The following USP47 variants were observed in gnomAD, a reference collection of about 807,000 sequenced individuals.
The protein encoded by USP47 is ubiquitin specific peptidase 47, also known as ubiquitin carboxyl-terminal hydrolase 47.
In USP47, 35 loss-of-function variants were observed where a neutral mutation model predicts 165.1. That is an observed-to-expected ratio of 0.21 (90% CI 0.16 to 0.28). The LOEUF (loss-of-function observed/expected upper bound fraction) is 0.28. Ranked by LOEUF, USP47 falls within the 10% of genes least tolerant of loss-of-function variation. The pLI, the probability that USP47 is intolerant of heterozygous loss-of-function variation, is 1.00. For synonymous variants in USP47, 531 were observed against 544.5 expected (o/e 0.98, Z 0.35); for missense variants, 1,277 against 1,607.4 (o/e 0.79, Z 3.52).
At chr11:11,911,003 A>G (rs894488094) in intron 8 of USP47, among the ~76,000 whole-genome samples, 1 of 152,232 alleles carries the variant, frequency 6.6e-6, no homozygotes, top group African/African-American at 2.4e-5. Context: ...AAGCACACTG[A>G]AAACAATGAA....
rs1847408295 is a variant in USP47, at chr11:11,960,542, A to G, written c.*4367A>G. ...AATTTGATCTTCCATGAGTGTCTCA[A>G]AAAGTTCCCCTCAGAAGTTTCAGCC... On this transcript the variant is annotated 3_prime_UTR_variant, in exon 28 of 28. Coordinates refer to ENST00000527733, the MANE Select transcript of USP47 (RefSeq NM_001282659.2). Among the ~76,000 whole-genome samples the G allele has an allele frequency of 6.6e-6, 1 of 152,192 alleles. No individual in the cohort carries two copies. The highest frequency in any genetic ancestry group is 1.5e-5 in the Non-Finnish European group (1 of 68,026).
intron 1 of USP47, among the ~76,000 whole-genome samples, chr11:11,855,331 A>T (rs558678412): frequency 1.7e-4 from 26 of 152,332 alleles, no homozygotes; most frequent in Admixed American, 1.5e-3. Context: ...TGTGTTTGAT[A>T]ATTTTGATTT....
chr11:11,883,013 T>C (rs1432987961), intron 2 of USP47, among the ~76,000 whole-genome samples: 1 of 152,210 alleles, frequency 6.6e-6, no homozygotes, highest in East Asian at 1.9e-4. Flanking sequence ...TTTCTCCTGC[T>C]TACTGCGTAG....
At chr11:11,852,436 G>C (rs1467617305) in intron 1 of USP47, among the ~76,000 whole-genome samples, 1 of 152,046 alleles carries the variant, frequency 6.6e-6, no homozygotes, top group Non-Finnish European at 1.5e-5. Flanking sequence ...TTTCTGGTGG[G>C]CTTCTGTGCT....
intron 8 of USP47, among the ~76,000 whole-genome samples, chr11:11,908,488 T>G (rs1852730941): frequency 6.6e-6 from 1 of 151,988 alleles, no homozygotes; most frequent in Non-Finnish European, 1.5e-5. Context: ...TTTCTGGAGT[T>G]GTTTTATCTT....
intron 10 of USP47, among the ~76,000 whole-genome samples, chr11:11,921,025 G>T (rs1853797617): frequency 6.6e-6 from 1 of 151,614 alleles, no homozygotes; most frequent in Admixed American, 6.6e-5. Flanking sequence ...CATGGGATTT[G>T]AAGTGACACA....
At chr11:11,853,589 C>G (rs1231644004) in intron 1 of USP47, among the ~76,000 whole-genome samples, 1 of 152,146 alleles carries the variant, frequency 6.6e-6, no homozygotes, top group Admixed American at 6.5e-5. Context: ...TAGATGCGTC[C>G]TCTCTACCTT....
intron 11 of USP47, among the ~76,000 whole-genome samples, chr11:11,924,467 G>T (rs1417334575): frequency 6.6e-6 from 1 of 152,064 alleles, no homozygotes. Flanking sequence ...GTGATGTTGG[G>T]CTCATGTAAT....
At position 11,908,108 on chromosome 11, in the gene USP47, T is replaced by C. The variant is rs115139517; in HGVS notation, c.969+2560T>C. Reference sequence around the variant, plus strand: ...GTCTCAAAAAAAACAAAAAAAGATATAGATGTAGACATATACACTAGCACG... The same window carrying C: ...GTCTCAAAAAAAACAAAAAAAGATACAGATGTAGACATATACACTAGCACG... On this transcript the variant is annotated intron_variant, in intron 8 of 27. Transcript: ENST00000527733. Among the ~76,000 whole-genome samples the C allele has an allele frequency of 4.5e-3, 688 of 152,162 alleles. 4 individuals carry two copies. The highest frequency in any genetic ancestry group is 0.016 in the African/African-American group (654 of 41,534).
chr11:11,915,224 A>G, intron 8 of USP47, among the ~76,000 whole-genome samples: 1 of 152,230 alleles, frequency 6.6e-6, no homozygotes, highest in Non-Finnish European at 1.5e-5. Context: ...GAAAAAAGCC[A>G]ATCTCAAAAG....
chr11:11,880,232 A>G lies in USP47; in HGVS notation c.95A>G (p.Asn32Ser). Residue 32 changes from asparagine (N) to serine (S), a missense_variant, in exon 2 of 28, where the codon AAT (asparagine) becomes AGT (serine). Physicochemically the swap from Asn to Ser is conservative, Grantham distance 46. Transcript: ENST00000527733. ...RVLCIIQDTT[N>S]SKTVNERITL... ...TTATGTATTATACAAGATACTACTA[A>G]TTCAAAGACAGTGAATGAACGGATC... is the stretch of plus-strand genomic sequence containing the variant. 1 of 1,466,264 alleles carries G rather than the reference A, an allele frequency of 6.8e-7. No individual in the cohort carries two copies. The highest frequency in any genetic ancestry group is 8.9e-7 in the Non-Finnish European group (1 of 1,120,670). The allele number at this position is 1,466,264 out of a possible 1,614,324, so 90.8% of individuals were successfully genotyped here.
intron 3 of USP47, among the ~76,000 whole-genome samples, chr11:11,885,657 C>T (rs1239902254): frequency 2.0e-5 from 3 of 152,142 alleles, no homozygotes; most frequent in Non-Finnish European, 4.4e-5. Context: ...TACTCTGACC[C>T]CAGGATCCCC....
chr11:11,940,717 C>A (rs1012083778), intron 19 of USP47, among the ~76,000 whole-genome samples, 169 bp downstream of exon 19: 1 of 151,918 alleles, frequency 6.6e-6, no homozygotes, highest in African/African-American at 2.4e-5. Context: ...AGGTCAGGCT[C>A]CCTTCTGTCC....
chr11:11,894,019 C>T (rs1276847013), intron 4 of USP47, among the ~76,000 whole-genome samples: 6 of 152,150 alleles, frequency 3.9e-5, no homozygotes, highest in Non-Finnish European at 8.8e-5. Flanking sequence ...CTTTTTGTAG[C>T]AAACAACCAC....
rs1394372796 is a variant in USP47 at position 11,960,777 on chromosome 11, T to C, written c.*4602T>C. 6.6e-6 allele frequency among the ~76,000 whole-genome samples: 1 copy of C among 152,178 alleles called. No individual in the cohort carries two copies. Among genetic ancestry groups the C allele is most frequent in the African/African-American group, 2.4e-5 (1 of 41,422 alleles). On this transcript the variant is annotated 3_prime_UTR_variant, in exon 28 of 28. Coordinates refer to ENST00000527733, the MANE Select transcript of USP47 (RefSeq NM_001282659.2). ...TGCATTTAGAAACCAAGCATAGCTA[T>C]CAAAAAGTAATCTCCAAATAGTTGA...
At chr11:11,912,130 C>A (rs1173763038) in intron 8 of USP47, among the ~76,000 whole-genome samples, 1 of 149,528 alleles carries the variant, frequency 6.7e-6, no homozygotes, top group Non-Finnish European at 1.5e-5. Flanking sequence ...AGGAAAAGGG[C>A]CAAATCAGAA....
intron 2 of USP47, among the ~76,000 whole-genome samples, chr11:11,882,565 A>G (rs1850900912): frequency 6.6e-6 from 1 of 152,200 alleles, no homozygotes; most frequent in African/African-American, 2.4e-5. Context: ...ACATCACCAC[A>G]TAATTTCCAG....
intron 8 of USP47, among the ~76,000 whole-genome samples, chr11:11,919,796 A>T (rs1159986536): frequency 2.0e-5 from 3 of 151,890 alleles, no homozygotes; most frequent in Non-Finnish European, 4.4e-5. Flanking sequence ...AAGAAGATTG[A>T]TGCATGCAAC....
At chr11:11,882,763 A>T (rs1225173795) in intron 2 of USP47, among the ~76,000 whole-genome samples, 1 of 152,082 alleles carries the variant, frequency 6.6e-6, no homozygotes. Context: ...GGTGTTACTC[A>T]TCTGTGTCTT....
Sources: gnomAD v4.1 joint callset for allele counts (sites outside exome capture counted in the v4.1 genomes callset) on GRCh38, gnomAD v4.1.1 for gene constraint, MANE v1.5 for transcripts, NCBI Gene and HGNC (gene_info 2026-07-23, HGNC 2026-07-21) for gene names.